The following COL6A5 variants were observed in gnomAD, a reference collection of about 807,000 sequenced individuals.
The protein encoded by COL6A5 is collagen alpha-5(VI) chain.
In COL6A5, 48 loss-of-function variants were observed where a neutral mutation model predicts 65.6. The ratio of observed to expected loss-of-function variants is 0.73; its 90% CI spans 0.58 to 0.93. COL6A5 has a LOEUF of 0.93. Among genes scored for constraint, COL6A5 ranks in the 40% least tolerant of loss-of-function variants. The pLI, the probability that COL6A5 is intolerant of heterozygous loss-of-function variation, is 0.00. For synonymous variants in COL6A5, 291 were observed against 322.8 expected, an observed-to-expected ratio of 0.90 and a Z score of 1.05; for missense variants, 914 against 928.3, an observed-to-expected ratio of 0.98 and a Z score of 0.20.
chr3:130,403,554 T>G, intron 12 of COL6A5, 55 bp from the exon 13 acceptor site: 1 of 1,367,902 alleles, frequency 7.3e-7, no homozygotes, highest in Non-Finnish European at 9.7e-7. Flanking sequence ...ATTTCACAAG[T>G]TTGACTTTAT....
chr3:130,414,183 T>A, intron 22 of COL6A5, 52 bp downstream of exon 22: 54 of 1,318,832 alleles, frequency 4.1e-5, no homozygotes, highest in Non-Finnish European at 5.3e-5. Context: ...GTTATTCTGA[T>A]GGGAAGAAGG....
exon 4 of COL6A5, chr3:130,379,938 G>A: frequency 6.4e-7 from 1 of 1,551,322 alleles, no homozygotes; most frequent in Non-Finnish European, 8.7e-7. Flanking sequence ...TTTCCACGCT[G>A]AAGTCCTATG....
chr3:130,388,343 T>TATGCATGCATGC (rs71620080), intron 5 of COL6A5, among the ~76,000 whole-genome samples: 4 of 151,130 alleles, frequency 2.6e-5, no homozygotes, highest in East Asian at 2.0e-4. Context: ...ATAAATGAGT[T>TATGCATGCATGC]ATGCATGCAT....
At chr3:130,358,607 T>C (rs1935003952) in intron 1 of COL6A5, among the ~76,000 whole-genome samples, 1 of 152,198 alleles carries the variant, frequency 6.6e-6, no homozygotes, top group Admixed American at 6.5e-5. Flanking sequence ...CTAGTAATTA[T>C]AGAAATGCAA....
intron 25 of COL6A5, among the ~76,000 whole-genome samples, chr3:130,419,386 C>T (rs1403453195): frequency 1.3e-5 from 2 of 152,072 alleles, no homozygotes; most frequent in Non-Finnish European, 2.9e-5. Flanking sequence ...ATGGAGCAGC[C>T]AGTATAGGAA....
Position 130,376,674 on chromosome 3 carries a change from G to T in COL6A5, c.505G>T (p.Val169Leu), listed in dbSNP as rs770423427. The change falls in exon 3 of 42, where the codon GTG (valine) becomes TTG (leucine). Residue 169 changes from valine to leucine, a missense_variant and NMD_transcript_variant. Coordinates refer to the COL6A5 transcript ENST00000312481. ...CGGGGTGAAAATTATCTCCGTGGGG[G>T]TGCAGAAAGCTTCTGAGGAAAATCT... 4 of 1,613,572 alleles carry T rather than the reference G, an allele frequency of 2.5e-6. No individual in the cohort carries two copies. In the East Asian group the frequency reaches 6.7e-5, roughly 27 times the overall value.
chr3:130,463,776 T>A (rs1420013193), intron 5 of COL6A5, among the ~76,000 whole-genome samples: 2 of 152,080 alleles, frequency 1.3e-5, no homozygotes, highest in South Asian at 4.1e-4. Context: ...AAGAAAATAT[T>A]TTTGAAGACC....
intron 4 of COL6A5, among the ~76,000 whole-genome samples, chr3:130,454,973 T>C (rs1411806962): frequency 2.0e-5 from 3 of 151,862 alleles, no homozygotes; most frequent in Non-Finnish European, 4.4e-5. Flanking sequence ...AGAACCAATC[T>C]CTACAAAAAA....
intron 1 of COL6A5, among the ~76,000 whole-genome samples, chr3:130,351,626 A>G (rs1020540639): frequency 6.6e-6 from 1 of 152,234 alleles, no homozygotes; most frequent in Non-Finnish European, 1.5e-5. Flanking sequence ...CACGCCAGTT[A>G]GAATGGTGAT....
rs188060133 is a variant in COL6A5, at chr3:130,365,338, C to T, written c.-28-8273C>T. On this transcript the variant is annotated intron_variant and NMD_transcript_variant, in intron 1 of 41. Transcript: ENST00000312481. The stretch of plus-strand genomic sequence containing the variant: ...TGTCGCCCAGGCTGGAGAGCAGTGG[C>T]GAGATCTCGGCTCACTGCAAGCTCC... Among the ~76,000 whole-genome samples the T allele has an allele frequency of 5.9e-4, 90 of 152,166 alleles. 1 individual carries two copies. The East Asian group carries it at 0.017, about 28-fold the overall frequency.
chr3:130,386,821 G>C (rs1936204991), intron 5 of COL6A5, among the ~76,000 whole-genome samples: 2 of 151,992 alleles, frequency 1.3e-5, no homozygotes, highest in South Asian at 4.1e-4. Flanking sequence ...TGTGGACAAG[G>C]AAATGAGTCA....
chr3:130,395,057 C>G, exon 8 of COL6A5: 6 of 1,551,578 alleles, frequency 3.9e-6, no homozygotes, highest in Non-Finnish European at 5.2e-6. Context: ...AAGCAACTAC[C>G]AGAGTATTAT....
At chr3:130,473,383 T>A (rs569262225) in intron 7 of COL6A5, among the ~76,000 whole-genome samples, 1 of 152,194 alleles carries the variant, frequency 6.6e-6, no homozygotes, top group African/African-American at 2.4e-5. Context: ...AAACCCCATA[T>A]TTTTGGCCAG....
At chr3:130,384,726 C>A in intron 4 of COL6A5, 78 bp from the exon 5 acceptor site, 1 of 1,176,996 alleles carries the variant, frequency 8.5e-7, no homozygotes, top group Non-Finnish European at 1.2e-6. Flanking sequence ...AATGCCTCAG[C>A]CTCATGTTCC....
intron 7 of COL6A5, among the ~76,000 whole-genome samples, 198 bp downstream of exon 7, chr3:130,391,952 A>G (rs150210496): frequency 3.0e-4 from 46 of 152,344 alleles, no homozygotes; most frequent in African/African-American, 1.1e-3. Flanking sequence ...CACAGCATGC[A>G]CTGAAGAGAT....
chr3:130,454,225 T>C (rs982993437), intron 4 of COL6A5, among the ~76,000 whole-genome samples: 1 of 84,976 alleles, frequency 1.2e-5, no homozygotes, highest in Non-Finnish European at 2.8e-5. Context: ...TTTGTCAAAA[T>C]GGAATTTTTA....
At chr3:130,391,249 TC>T (rs1165661068) in exon 7 of COL6A5, 1 of 1,551,468 alleles carries the variant, frequency 6.4e-7, no homozygotes, top group Non-Finnish European at 8.7e-7. Flanking sequence ...AAAAACAATA[TC>T]AAGATCACAT....
chr3:130,376,314 G>C (rs141182002), exon 3 of COL6A5: 1 of 1,613,572 alleles, frequency 6.2e-7, no homozygotes, highest in Admixed American at 1.7e-5. Context: ...ATTCCCATTC[G>C]TGAAAACGTT....
chr3:130,411,986 G>A (rs575378571), intron 20 of COL6A5, among the ~76,000 whole-genome samples: 1 of 152,294 alleles, frequency 6.6e-6, no homozygotes, highest in African/African-American at 2.4e-5. Flanking sequence ...AGCATCTTAA[G>A]TGGATGATAA....
Sources: allele counts gnomAD v4.1 joint callset (sites outside exome capture counted in the v4.1 genomes callset), GRCh38; gene constraint gnomAD v4.1.1; transcripts MANE v1.5; gene names NCBI Gene and HGNC (gene_info 2026-07-23, HGNC 2026-07-21).